The following RYK variants were observed in gnomAD, a reference collection of about 807,000 sequenced individuals.
RYK encodes inactive tyrosine-protein kinase RYK.
A neutral mutation model predicts 70.2 loss-of-function variants in RYK; 21 were observed. That is an observed-to-expected ratio of 0.30 (90% confidence interval 0.21 to 0.43). The LOEUF is 0.43. RYK is among the 20% of genes least tolerant of loss of function. The pLI, the probability that RYK is intolerant of heterozygous loss-of-function variation, is 1.00. For synonymous variants in RYK, 267 were observed against 278.0 expected, an observed-to-expected ratio of 0.96 and a Z score of 0.39; for missense variants, 604 against 753.3, an observed-to-expected ratio of 0.80 and a Z score of 2.32.
At chr3:134,164,564 T>G (rs2012592185) in intron 13 of RYK, among the ~76,000 whole-genome samples, 1 of 152,256 alleles carries the variant, frequency 6.6e-6, no homozygotes, top group South Asian at 2.1e-4. Flanking sequence ...CTGAGATTCA[T>G]CTGTGATGTA....
At chr3:134,189,603 A>G (rs1347207501) in intron 8 of RYK, among the ~76,000 whole-genome samples, 1 of 151,750 alleles carries the variant, frequency 6.6e-6, no homozygotes, top group African/African-American at 2.4e-5. Flanking sequence ...TACTAAAAAT[A>G]CAAAAAAAAA....
intron 1 of RYK, among the ~76,000 whole-genome samples, chr3:134,241,160 C>T (rs1269226559): frequency 1.5e-5 from 2 of 135,852 alleles, no homozygotes; most frequent in Non-Finnish European, 3.1e-5. Flanking sequence ...CATGGTGAAA[C>T]GCCATCTCTA....
At position 134,175,982 on chromosome 3, in the gene RYK, A is replaced by T; in HGVS notation, c.1363T>A (p.Tyr455Asn). The change falls in exon 12 of 15, where the codon TAC (tyrosine) becomes AAC (asparagine). Residue 455 changes from tyrosine (Y) to asparagine (N), a missense_variant. By Grantham distance (143) the Tyr-to-Asn change is moderately radical. Coordinates refer to ENST00000623711, the MANE Select transcript of RYK (RefSeq NM_002958.4). ...TGGATGACTTCCCTTCTGGCCAGGT[A>T]GCTCATTCCACAGGCAATCTGAATA... ...MAIQIACGMSYLARREVIHKD... is the reference protein window; with the variant it reads ...MAIQIACGMSNLARREVIHKD... The T allele has an allele frequency of 1.2e-6, 2 of 1,609,566 alleles. No homozygotes were observed. The highest frequency in any genetic ancestry group is 1.7e-6 in the Non-Finnish European group (2 of 1,177,844).
chr3:134,208,059 C>G (rs969474508), intron 4 of RYK, among the ~76,000 whole-genome samples: 5 of 152,122 alleles, frequency 3.3e-5, no homozygotes, highest in Admixed American at 2.6e-4. Flanking sequence ...CTAGGGTGGC[C>G]AAAACCATGA....
At chr3:134,171,403 C>CT (rs1187548728) in intron 13 of RYK, among the ~76,000 whole-genome samples, 2 of 152,188 alleles carry the variant, frequency 1.3e-5, no homozygotes, top group Non-Finnish European at 2.9e-5. Context: ...GAGCATCTTG[C>CT]TTGGAGATTT....
intron 5 of RYK, among the ~76,000 whole-genome samples, chr3:134,205,113 T>G (rs894304541): frequency 1.3e-5 from 2 of 152,094 alleles, no homozygotes; most frequent in African/African-American, 4.8e-5. Flanking sequence ...TAAGGGTAAC[T>G]TTACAAAGAT....
intron 6 of RYK, among the ~76,000 whole-genome samples, chr3:134,199,656 T>C (rs1021568953): frequency 5.3e-5 from 8 of 152,144 alleles, no homozygotes. Flanking sequence ...GTCTCTTAAA[T>C]GCTGTTGGAT....
intron 6 of RYK, among the ~76,000 whole-genome samples, chr3:134,198,829 A>G (rs1210165278): frequency 1.3e-5 from 2 of 152,206 alleles, no homozygotes; most frequent in African/African-American, 4.8e-5. Flanking sequence ...TATGTGTCAG[A>G]CAGTTAGGCA....
intron 4 of RYK, among the ~76,000 whole-genome samples, chr3:134,208,928 C>A (rs975512993): frequency 3.3e-5 from 5 of 151,972 alleles, no homozygotes; most frequent in Non-Finnish European, 7.4e-5. Context: ...GTATATTTCC[C>A]CCCCCCATCT....
chr3:134,190,236 A>G (rs1472136952), intron 8 of RYK, among the ~76,000 whole-genome samples: 1 of 152,200 alleles, frequency 6.6e-6, no homozygotes. Context: ...TGTCTTCCTC[A>G]CAAAGGTTTT....
At chr3:134,191,796 A>G (rs1441987432) in intron 8 of RYK, 53 bp downstream of exon 8, 2 of 1,461,826 alleles carry the variant, frequency 1.4e-6, no homozygotes, top group Non-Finnish European at 1.9e-6. Context: ...AAAAGTGTCT[A>G]TAGTGGTAAC....
At chr3:134,245,551 G>A (rs2015442675) in intron 1 of RYK, among the ~76,000 whole-genome samples, 1 of 152,142 alleles carries the variant, frequency 6.6e-6, no homozygotes, top group African/African-American at 2.4e-5. Flanking sequence ...AAAGGCTGAT[G>A]TGAGGCTTAG....
intron 13 of RYK, among the ~76,000 whole-genome samples, chr3:134,171,922 C>T (rs1648663574): frequency 6.6e-6 from 1 of 151,828 alleles, no homozygotes; most frequent in Non-Finnish European, 1.5e-5. Context: ...AATAGCACTA[C>T]TTGCCATCTT....
chr3:134,233,905 A>G (rs2015131672), intron 1 of RYK, among the ~76,000 whole-genome samples: 1 of 152,190 alleles, frequency 6.6e-6, no homozygotes, highest in Non-Finnish European at 1.5e-5. Flanking sequence ...TCTGGCACCT[A>G]GAATAGTTCA....
intron 4 of RYK, among the ~76,000 whole-genome samples, chr3:134,208,048 A>T (rs2107677889): frequency 6.6e-6 from 1 of 152,354 alleles, no homozygotes; most frequent in Non-Finnish European, 1.5e-5. Context: ...GAACTGGATG[A>T]CTAGGGTGGC....
chr3:134,195,045 T>C (rs12631354), intron 7 of RYK, 37 bp downstream of exon 7: 84,546 of 1,431,200 alleles, frequency 0.059, 9,211 homozygotes, highest in South Asian at 0.3. Flanking sequence ...CATAGACAAC[T>C]TGAGTAAACT....
intron 10 of RYK, 107 bp downstream of exon 10, chr3:134,182,895 T>C (rs1030929754): frequency 6.7e-6 from 4 of 598,724 alleles, no homozygotes; most frequent in Non-Finnish European, 1.1e-5. Context: ...ATTAAGCTAT[T>C]CCACAAAGCT....
At position 134,158,053 on chromosome 3, in the gene RYK, T is replaced by C. The variant is rs1474547442; in HGVS notation, c.*100A>G. ...GGCACGGTGTTCTGGAAGACAAATG[T>C]GCTTCTGTTGGCGTTGTGTTAGATA... On this transcript the variant is annotated 3_prime_UTR_variant, in exon 15 of 15. Transcript: ENST00000623711. The C allele has an allele frequency of 2.0e-6, 1 of 488,610 alleles. No homozygotes were observed. Among genetic ancestry groups the C allele is most frequent in the Non-Finnish European group, 3.4e-6 (1 of 295,330 alleles). 30.3% of individuals were successfully genotyped at this position (488,610 alleles called of 1,614,324 possible). A position where few individuals can be genotyped will look rare whatever the true frequency, so the allele number is the denominator to read the frequency against.
intron 13 of RYK, among the ~76,000 whole-genome samples, chr3:134,162,672 C>CT (rs1444952775): frequency 1.3e-5 from 2 of 151,638 alleles, no homozygotes; most frequent in African/African-American, 4.9e-5. Flanking sequence ...GTATATGAAA[C>CT]TTTTTTCTGA....
Sources: allele counts gnomAD v4.1 joint callset (sites outside exome capture counted in the v4.1 genomes callset), GRCh38; gene constraint gnomAD v4.1.1; transcripts MANE v1.5; gene names NCBI Gene and HGNC (gene_info 2026-07-23, HGNC 2026-07-21).